Variants in MTSS1 observed in about 807,000 individuals in gnomAD.
MTSS1 encodes the protein MTSS I-BAR domain containing 1.
Under a neutral mutation model 79.0 loss-of-function variants are expected in MTSS1, and 18 were observed. The observed-to-expected ratio is 0.23, with a 90% CI of 0.16 to 0.34. The LOEUF (loss-of-function observed/expected upper bound fraction) is 0.34. MTSS1 is among the 10% of genes least tolerant of loss of function. MTSS1 has a pLI of 1.00. For missense variants in MTSS1, 815 were observed against 986.2 expected (o/e 0.83, Z 2.33); for synonymous variants, 341 against 368.6 (o/e 0.93, Z 0.86).
chr8:124,623,415 A>G (rs1269233482), intron 3 of MTSS1, among the ~76,000 whole-genome samples: 2 of 152,248 alleles, frequency 1.3e-5, no homozygotes, highest in African/African-American at 2.4e-5. Context: ...TGTGAATGCC[A>G]CATTTTCTTT....
At chr8:124,598,896 C>T (rs1039634554) in intron 3 of MTSS1, among the ~76,000 whole-genome samples, 1 of 151,136 alleles carries the variant, frequency 6.6e-6, no homozygotes, top group Non-Finnish European at 1.5e-5. Flanking sequence ...GGAAGAGCTC[C>T]TTCACGGGAC....
intron 3 of MTSS1, among the ~76,000 whole-genome samples, chr8:124,684,721 A>G (rs1826677184): frequency 6.6e-6 from 1 of 152,238 alleles, no homozygotes; most frequent in Non-Finnish European, 1.5e-5. Context: ...GATAAGCTAC[A>G]AAGTTAGGTT....
intron 12 of MTSS1, 38 bp from the exon 13 acceptor site, chr8:124,555,942 G>A (rs766879304): frequency 3.2e-5 from 19 of 589,434 alleles, no homozygotes; most frequent in Admixed American, 2.2e-4. Context: ...GGTTGCTTTA[G>A]GGGGGGGGCT....
In MTSS1 at chr8:124,551,543, C is replaced by T. The variant is rs1822520512; in HGVS notation, c.*1449G>A. The T allele has an allele frequency of 3.3e-5, 5 of 152,708 alleles. No homozygotes were observed. The South Asian group carries it at 1.0e-3, about 32-fold the overall frequency. The allele number at this position is 152,708 out of a possible 1,614,324, so 9.5% of individuals were successfully genotyped here. ...AGGAATCTGCAGGGTGTATGAAACC[C>T]ACCAAACTCCTCCTCTGCCTTGAGA... On this transcript the variant is annotated 3_prime_UTR_variant, in exon 14 of 14. Coordinates refer to ENST00000518547, the MANE Select transcript of MTSS1 (RefSeq NM_014751.6).
chr8:124,576,896 C>T (rs976569289), intron 6 of MTSS1, among the ~76,000 whole-genome samples: 1 of 120,318 alleles, frequency 8.3e-6, no homozygotes, highest in South Asian at 2.5e-4. Context: ...CGAAAATTAA[C>T]GCTAAGAAAA....
chr8:124,722,167 A>G (rs997600182), intron 1 of MTSS1, among the ~76,000 whole-genome samples: 3 of 152,176 alleles, frequency 2.0e-5, no homozygotes, highest in Admixed American at 1.3e-4. Flanking sequence ...AAAGAAAAAC[A>G]ACTTAGAACC....
intron 3 of MTSS1, among the ~76,000 whole-genome samples, chr8:124,610,629 T>C (rs1835633130): frequency 6.6e-6 from 1 of 152,180 alleles, no homozygotes; most frequent in South Asian, 2.1e-4. Flanking sequence ...CCCTGCCAAA[T>C]AGTCATCTGG....
intron 3 of MTSS1, among the ~76,000 whole-genome samples, chr8:124,655,690 C>T (rs1038291205): frequency 6.6e-6 from 1 of 152,150 alleles, no homozygotes; most frequent in Admixed American, 6.5e-5. Context: ...GACAGTGGCA[C>T]ATATAAAGCA....
chr8:124,605,014 C>T (rs1030570462), intron 3 of MTSS1, among the ~76,000 whole-genome samples: 1 of 152,196 alleles, frequency 6.6e-6, no homozygotes, highest in South Asian at 2.1e-4. Flanking sequence ...CACAAAAACA[C>T]GGACACGCTC....
At chr8:124,653,971 A>G (rs1451513937) in intron 3 of MTSS1, among the ~76,000 whole-genome samples, 1 of 152,204 alleles carries the variant, frequency 6.6e-6, no homozygotes, top group Non-Finnish European at 1.5e-5. Flanking sequence ...TGGTTGCAGG[A>G]AAAGGCCTCC....
chr8:124,649,251 G>A (rs991970173), intron 3 of MTSS1, among the ~76,000 whole-genome samples: 2 of 152,150 alleles, frequency 1.3e-5, no homozygotes, highest in Admixed American at 6.5e-5. Flanking sequence ...TGAGAGAGAC[G>A]GTAGTCTGCA....
At chr8:124,632,089 C>T (rs112092236) in intron 3 of MTSS1, among the ~76,000 whole-genome samples, 3,502 of 152,064 alleles carry the variant, frequency 0.023, 126 homozygotes, top group African/African-American at 0.08. Context: ...CCAGCCTGGG[C>T]AACATAGCGA....
intron 1 of MTSS1, among the ~76,000 whole-genome samples, chr8:124,714,207 G>C (rs1056990475): frequency 1.3e-5 from 2 of 152,218 alleles, no homozygotes; most frequent in African/African-American, 4.8e-5. Context: ...CTGACGTCAT[G>C]ATGGGCACTG....
intron 3 of MTSS1, among the ~76,000 whole-genome samples, chr8:124,668,810 A>G (rs1424880647): frequency 3.3e-5 from 5 of 152,198 alleles, no homozygotes; most frequent in Non-Finnish European, 7.3e-5. Flanking sequence ...TGCCCAGCAA[A>G]TTCCACAAAG....
At chr8:124,688,995 A>G (rs1038754335) in intron 3 of MTSS1, among the ~76,000 whole-genome samples, 3 of 152,176 alleles carry the variant, frequency 2.0e-5, no homozygotes, top group South Asian at 4.1e-4. Flanking sequence ...TTTAAAAAAA[A>G]AAACTTCCAA....
intron 3 of MTSS1, among the ~76,000 whole-genome samples, chr8:124,591,928 G>A (rs890004499): frequency 7.9e-5 from 12 of 151,076 alleles, no homozygotes; most frequent in African/African-American, 2.4e-4. Flanking sequence ...TTACAGGCAC[G>A]TGCCACCACA....
intron 6 of MTSS1, among the ~76,000 whole-genome samples, chr8:124,572,112 A>G (rs934626944): frequency 6.6e-6 from 1 of 152,218 alleles, no homozygotes; most frequent in African/African-American, 2.4e-5. Flanking sequence ...GTATCTACAT[A>G]GGAAAGAAAA....
chr8:124,681,842 G>T (rs1051803427), intron 3 of MTSS1, among the ~76,000 whole-genome samples: 3 of 152,166 alleles, frequency 2.0e-5, no homozygotes, highest in Non-Finnish European at 4.4e-5. Flanking sequence ...TACTATAATT[G>T]ATAGGAAGCC....
chr8:124,694,489 T>A (rs138907117), intron 3 of MTSS1, among the ~76,000 whole-genome samples: 5 of 152,004 alleles, frequency 3.3e-5, no homozygotes, highest in African/African-American at 1.2e-4. Context: ...AATCTTAAAT[T>A]TGTTACCCTA....
Sources: gnomAD v4.1 joint callset for allele counts (sites outside exome capture counted in the v4.1 genomes callset) on GRCh38, gnomAD v4.1.1 for gene constraint, MANE v1.5 for transcripts, NCBI Gene and HGNC (gene_info 2026-07-23, HGNC 2026-07-21) for gene names.